RAP1GAP2: variants seen among roughly 807,000 people sequenced by gnomAD.
The protein encoded by RAP1GAP2 is RAP1 GTPase activating protein 2.
A neutral mutation model predicts 95.0 loss-of-function variants in RAP1GAP2; 27 were observed. The observed-to-expected ratio is 0.28, with a 90% CI of 0.21 to 0.39. The LOEUF (loss-of-function observed/expected upper bound fraction) is 0.39. Ranked by LOEUF, RAP1GAP2 falls within the 10% of genes least tolerant of loss-of-function variation. The pLI is 1.00. For synonymous variants in RAP1GAP2, 373 were observed against 380.9 expected (o/e 0.98, Z 0.24); for missense variants, 771 against 970.0 (o/e 0.79, Z 2.72).
At chr17:2,840,624 C>T (rs1313268459) in intron 2 of RAP1GAP2, among the ~76,000 whole-genome samples, 1 of 152,218 alleles carries the variant, frequency 6.6e-6, no homozygotes, top group African/African-American at 2.4e-5. Context: ...GCTGGGACTA[C>T]AGGCATGAGC....
intron 2 of RAP1GAP2, among the ~76,000 whole-genome samples, chr17:2,894,277 AAACTTAGCCAGGCATGGTGGTAGGCACCT>A (rs2073815585): frequency 6.6e-6 from 1 of 152,150 alleles, no homozygotes; most frequent in Admixed American, 6.5e-5. Flanking sequence ...TAAAAATACA[AAACTTAGCCAGGCATGGTGGTAGGCACCT>A]GTAGTCCCAG....
chr17:3,023,258 T>A (rs1346416559), intron 19 of RAP1GAP2, among the ~76,000 whole-genome samples: 3 of 152,240 alleles, frequency 2.0e-5, no homozygotes, highest in Non-Finnish European at 4.4e-5. Context: ...GGTTTTGATG[T>A]CTTTCTGATT....
intron 12 of RAP1GAP2, among the ~76,000 whole-genome samples, chr17:2,992,701 C>T (rs1026049028): frequency 3.9e-5 from 6 of 152,168 alleles, no homozygotes; most frequent in Admixed American, 2.6e-4. Context: ...TGGCACACAG[C>T]GGATATTCAC....
At chr17:3,025,338 C>T (rs1364914799) in intron 19 of RAP1GAP2, among the ~76,000 whole-genome samples, 1 of 152,216 alleles carries the variant, frequency 6.6e-6, no homozygotes, top group African/African-American at 2.4e-5. Flanking sequence ...GATCGCACCA[C>T]TGCACTCCAG....
intron 13 of RAP1GAP2, among the ~76,000 whole-genome samples, chr17:2,997,922 CA>C (rs1313908992): frequency 0.013 from 859 of 67,702 alleles, 3 homozygotes; most frequent in African/African-American, 0.037. Context: ...GACCCTGTCT[CA>C]AAAAAAAAAA....
upstream of RAP1GAP2, among the ~76,000 whole-genome samples, chr17:2,795,164 C>T (rs1371252108): frequency 4.6e-5 from 7 of 151,510 alleles, no homozygotes; most frequent in Admixed American, 2.0e-4. Context: ...AGGTGTGAGC[C>T]GCCACACCCG....
chr17:2,955,360 G>T (rs1041189730), intron 3 of RAP1GAP2, among the ~76,000 whole-genome samples: 2 of 152,100 alleles, frequency 1.3e-5, no homozygotes, highest in African/African-American at 4.8e-5. Flanking sequence ...GTTTTGATTT[G>T]CATTTCCTGA....
intron 2 of RAP1GAP2, among the ~76,000 whole-genome samples, chr17:2,847,938 T>C (rs1045590213): frequency 6.6e-6 from 1 of 152,226 alleles, no homozygotes; most frequent in African/African-American, 2.4e-5. Context: ...AAAATTACTG[T>C]AGTCATGCAG....
At chr17:2,923,885 A>G (rs143094639) in intron 3 of RAP1GAP2, among the ~76,000 whole-genome samples, 323 of 152,356 alleles carry the variant, frequency 2.1e-3, no homozygotes, top group Non-Finnish European at 3.5e-3. Flanking sequence ...AGGCAAACAT[A>G]AATGAGATCA....
intron 3 of RAP1GAP2, among the ~76,000 whole-genome samples, chr17:2,917,742 G>A (rs1452920420): frequency 6.6e-6 from 1 of 151,124 alleles, no homozygotes; most frequent in African/African-American, 2.4e-5. Context: ...TTGAGATGGA[G>A]TCTTGCTCTG....
chr17:2,928,482 T>C (rs971533851), intron 3 of RAP1GAP2, among the ~76,000 whole-genome samples: 1 of 151,772 alleles, frequency 6.6e-6, no homozygotes, highest in Non-Finnish European at 1.5e-5. Context: ...GGTGGGAAGG[T>C]GTGGGAGGGA....
chr17:2,944,679 T>A (rs1331675404), intron 3 of RAP1GAP2, among the ~76,000 whole-genome samples: 1 of 151,908 alleles, frequency 6.6e-6, no homozygotes, highest in African/African-American at 2.4e-5. Flanking sequence ...CCAGCTAGGA[T>A]TCTGATAGAG....
rs1473332158 is a variant in RAP1GAP2 at position 2,964,043 on chromosome 17, C to T, written c.467C>T (p.Ala156Val). 6.2e-6 allele frequency: 10 copies of T among 1,610,736 alleles called. No individual in the cohort carries two copies. Among genetic ancestry groups the T allele is most frequent in the Non-Finnish European group, 8.5e-6 (10 of 1,179,112 alleles). The change falls in exon 7 of 25, where the codon GCC (alanine) becomes GTC (valine). Residue 156 changes from alanine to valine, a missense_variant. Transcript: ENST00000254695. ...CTCGAGTGCAAGGGTGAAGCCAGGG[C>T]CTACCGGAGGCACTTCCTGGGGAAG... is the stretch of plus-strand genomic sequence containing the variant. ...YKLECKGEARAYRRHFLGKDH... is the reference protein window; with the variant it reads ...YKLECKGEARVYRRHFLGKDH...
In RAP1GAP2 at chr17:3,003,785, G is replaced by C. The variant is rs780525585; in HGVS notation, c.1201-1584G>C. ...CCAGTGACCCAGATGTCCCCAAGAG[G>C]GGGGAACAACAAAGGCCTGGCCGCC... On this transcript the variant is annotated intron_variant, in intron 14 of 24. Coordinates refer to ENST00000254695, the MANE Select transcript of RAP1GAP2 (RefSeq NM_015085.5). The surrounding 1 kb of genome is among the most constrained non-coding windows in gnomAD (Gnocchi z 4.1). Among the ~76,000 whole-genome samples the C allele has an allele frequency of 1.3e-5, 2 of 152,210 alleles. No individual in the cohort carries two copies. Among genetic ancestry groups the C allele is most frequent in the Admixed American group, 1.3e-4 (2 of 15,282 alleles).
intron 3 of RAP1GAP2, among the ~76,000 whole-genome samples, chr17:2,955,590 T>C (rs1354149761): frequency 6.6e-6 from 1 of 152,172 alleles, no homozygotes; most frequent in Non-Finnish European, 1.5e-5. Context: ...TTCTTGAGAG[T>C]AAGTATGAGG....
chr17:2,905,247 G>A (rs1196412235), intron 2 of RAP1GAP2, 37 bp from the exon 3 acceptor site: 1 of 1,590,708 alleles, frequency 6.3e-7, no homozygotes, highest in East Asian at 2.2e-5. Context: ...GGAAGGCGCA[G>A]GCAGGTCCTC....
At chr17:2,802,579 C>T (rs900848013) in intron 2 of RAP1GAP2, among the ~76,000 whole-genome samples, 8 of 152,082 alleles carry the variant, frequency 5.3e-5, no homozygotes, top group Admixed American at 2.0e-4. Flanking sequence ...GGCGCGGTGG[C>T]GGGCACCTGT....
chr17:2,928,625 G>C (rs1597636333), intron 3 of RAP1GAP2, among the ~76,000 whole-genome samples: 1 of 152,206 alleles, frequency 6.6e-6, no homozygotes, highest in South Asian at 2.1e-4. Flanking sequence ...AGTCAGCGAG[G>C]CTCCGGCAGG....
At chr17:2,989,903 C>G (rs1005194801) in intron 11 of RAP1GAP2, among the ~76,000 whole-genome samples, 9 of 152,192 alleles carry the variant, frequency 5.9e-5, no homozygotes, top group African/African-American at 2.2e-4. Flanking sequence ...CTCCCCATCC[C>G]CCTTTCCTTT....
Sources: allele counts gnomAD v4.1 joint callset (sites outside exome capture counted in the v4.1 genomes callset), GRCh38; gene constraint gnomAD v4.1.1; non-coding constraint Gnocchi (gnomAD v3.1); transcripts MANE v1.5; gene names NCBI Gene and HGNC (gene_info 2026-07-23, HGNC 2026-07-21).